Variants in NCBP1 observed in about 807,000 individuals in gnomAD.
The protein encoded by NCBP1 is nuclear cap-binding protein subunit 1.
A neutral mutation model predicts 111.7 loss-of-function variants in NCBP1; 16 were observed. The ratio of observed to expected loss-of-function variants is 0.14; its 90% CI spans 0.10 to 0.22. NCBP1 has a LOEUF of 0.22. NCBP1 is among the 10% of genes least tolerant of loss of function. NCBP1 has a pLI of 1.00. For synonymous variants in NCBP1, 304 were observed against 314.3 expected (o/e 0.97, Z 0.35); for missense variants, 607 against 957.5 (o/e 0.63, Z 4.83).
At chr9:97,655,863 CTA>C in intron 13 of NCBP1, 99 bp downstream of exon 13, 5 of 1,375,332 alleles carry the variant, frequency 3.6e-6, no homozygotes, top group East Asian at 2.3e-5. Context: ...TTCTTGGAAA[CTA>C]TTTGTAGTTA....
intron 1 of NCBP1, 71 bp downstream of exon 1, chr9:97,633,986 C>T (rs1826912985): frequency 2.7e-6 from 4 of 1,465,728 alleles, no homozygotes; most frequent in Middle Eastern, 1.8e-4. Flanking sequence ...TTTGGGTGTC[C>T]ACGGAAGAGA....
chr9:97,666,353 G>A (rs571846349), intron 19 of NCBP1, among the ~76,000 whole-genome samples: 5 of 152,214 alleles, frequency 3.3e-5, no homozygotes, highest in Admixed American at 6.5e-5. Context: ...ATAATATAAA[G>A]CATGGGAAAT....
rs961098764 is a variant in NCBP1 at position 97,673,425 on chromosome 9, T to C, written c.*2226T>C. ...ATGTACTGAAAAGTGTGGCTAGTTA[T>C]GTTTGATCCACATTCTAGAGAAATT... On this transcript the variant is annotated 3_prime_UTR_variant, in exon 23 of 23. Transcript: ENST00000375147. 9.2e-5 allele frequency: 14 copies of C among 152,228 alleles called. No homozygotes were observed. The highest frequency in any genetic ancestry group is 3.4e-4 in the African/African-American group (14 of 41,462). The allele number at this position is 152,228 out of a possible 1,614,324, so 9.4% of individuals were successfully genotyped here. A position where few individuals can be genotyped will look rare whatever the true frequency, so the allele number is the denominator to read the frequency against.
chr9:97,639,621 C>T (rs1263770389), intron 1 of NCBP1, among the ~76,000 whole-genome samples: 1 of 152,148 alleles, frequency 6.6e-6, no homozygotes, highest in African/African-American at 2.4e-5. Flanking sequence ...CTCTTGCTTT[C>T]TTGTCCATAT....
At chr9:97,639,812 T>TAAAA (rs1385507233) in intron 1 of NCBP1, among the ~76,000 whole-genome samples, 1 of 152,172 alleles carries the variant, frequency 6.6e-6, no homozygotes, top group Non-Finnish European at 1.5e-5. Context: ...TGGTAAGAGA[T>TAAAA]ACAAACAGCA....
chr9:97,667,133 G>GCAAACGTGA, intron 20 of NCBP1, among the ~76,000 whole-genome samples: 1 of 152,130 alleles, frequency 6.6e-6, no homozygotes, highest in Non-Finnish European at 1.5e-5. Flanking sequence ...CACTATCTCT[G>GCAAACGTGA]GGTCGGCCTC....
At position 97,651,343 on chromosome 9, in the gene NCBP1, C is replaced by A; in HGVS notation, c.1029C>A (p.Asn343Lys). 6.2e-7 allele frequency: 1 copy of A among 1,613,432 alleles called. No homozygotes were observed. Among genetic ancestry groups the A allele is most frequent in the Non-Finnish European group, 8.5e-7 (1 of 1,179,694 alleles). ...AAQLVSYPGKNKIPLNYHIVE... is the reference protein window; with the variant it reads ...AAQLVSYPGKKKIPLNYHIVE... Reference sequence around the variant, plus strand: ...AGTTAGTGAGCTATCCAGGGAAGAACAAGATCCCCTTGAACTACCACATAG... The same window carrying A: ...AGTTAGTGAGCTATCCAGGGAAGAAAAAGATCCCCTTGAACTACCACATAG... The change falls in exon 10 of 23, where the codon AAC becomes AAA. Residue 343 changes from asparagine (N) to lysine (K), a missense_variant. By Grantham distance (94) the Asn-to-Lys change is moderately conservative. Transcript: ENST00000375147.
At chr9:97,650,676 G>C in intron 9 of NCBP1, 76 bp downstream of exon 9, 1 of 1,235,530 alleles carries the variant, frequency 8.1e-7, no homozygotes, top group South Asian at 1.3e-5. Context: ...CAAAATATAT[G>C]TTGAGAGTGT....
chr9:97,665,674 A>G (rs1279159716), intron 19 of NCBP1, among the ~76,000 whole-genome samples: 1 of 152,186 alleles, frequency 6.6e-6, no homozygotes, highest in East Asian at 1.9e-4. Flanking sequence ...CACTTAAACT[A>G]TTATTTGGGT....
intron 15 of NCBP1, among the ~76,000 whole-genome samples, chr9:97,659,042 T>C (rs1265178575): frequency 6.6e-6 from 1 of 152,230 alleles, no homozygotes; most frequent in African/African-American, 2.4e-5. Context: ...TTTGTCATGG[T>C]GATGGAGGTT....
At position 97,671,587 on chromosome 9, in the gene NCBP1, G is replaced by A. The variant is rs145736771; in HGVS notation, c.*388G>A. ...GTAGCATAACTTTTCACAGCTCGGGGATGAATTAACATGGCTGAAATAAAA... is the reference window on the plus strand; with the variant it reads ...GTAGCATAACTTTTCACAGCTCGGGAATGAATTAACATGGCTGAAATAAAA... On this transcript the variant is annotated 3_prime_UTR_variant, in exon 23 of 23. Coordinates refer to ENST00000375147, the MANE Select transcript of NCBP1 (RefSeq NM_002486.5). 2.8e-3 allele frequency: 434 copies of A among 157,444 alleles called. 2 individuals carry two copies. The highest frequency in any genetic ancestry group is 0.01 in the African/African-American group (424 of 41,764). 9.8% of individuals were successfully genotyped at this position (157,444 alleles called of 1,614,324 possible). A position where few individuals can be genotyped will look rare whatever the true frequency, so the allele number is the denominator to read the frequency against.
At chr9:97,640,193 T>C (rs1827167476) in intron 1 of NCBP1, among the ~76,000 whole-genome samples, 1 of 152,172 alleles carries the variant, frequency 6.6e-6, no homozygotes, top group Admixed American at 6.6e-5. Flanking sequence ...GATTAGAGCT[T>C]AGAAACATGT....
chr9:97,654,073 T>G (rs1011292511), intron 11 of NCBP1, among the ~76,000 whole-genome samples, 165 bp downstream of exon 11: 1 of 152,234 alleles, frequency 6.6e-6, no homozygotes, highest in Admixed American at 6.5e-5. Flanking sequence ...TAAATACATA[T>G]GTACCTATAC....
At chr9:97,659,696 G>A (rs1311276838) in intron 15 of NCBP1, among the ~76,000 whole-genome samples, 2 of 152,188 alleles carry the variant, frequency 1.3e-5, no homozygotes, top group Admixed American at 1.3e-4. Context: ...GTACTTAGAA[G>A]TGCTGGGTTT....
At chr9:97,647,604 C>A in intron 7 of NCBP1, 43 bp downstream of exon 7, 1 of 1,467,544 alleles carries the variant, frequency 6.8e-7, no homozygotes, top group South Asian at 1.1e-5. Context: ...ACAGTCAGCT[C>A]TTGAATAGAT....
intron 4 of NCBP1, among the ~76,000 whole-genome samples, chr9:97,643,752 C>G (rs1827263976): frequency 6.6e-6 from 1 of 152,074 alleles, no homozygotes; most frequent in Non-Finnish European, 1.5e-5. Context: ...GTTCCCAATC[C>G]CTGTCAATTC....
chr9:97,651,487 G>A, intron 10 of NCBP1, 114 bp downstream of exon 10: 2 of 942,290 alleles, frequency 2.1e-6, no homozygotes, highest in Non-Finnish European at 3.0e-6. Flanking sequence ...TACTTGTCCA[G>A]CATTCAGAAT....
At chr9:97,656,625 A>G (rs1159725028) in intron 14 of NCBP1, among the ~76,000 whole-genome samples, 2 of 152,218 alleles carry the variant, frequency 1.3e-5, no homozygotes, top group Non-Finnish European at 2.9e-5. Flanking sequence ...CAACATTACA[A>G]AGAATTCTGT....
intron 17 of NCBP1, among the ~76,000 whole-genome samples, chr9:97,662,436 G>A (rs756422258): frequency 1.3e-5 from 2 of 152,124 alleles, no homozygotes; most frequent in South Asian, 2.1e-4. Context: ...AAGTTCCCAC[G>A]CTAAATATCT....
Sources: gnomAD v4.1 joint callset for allele counts (sites outside exome capture counted in the v4.1 genomes callset) on GRCh38, gnomAD v4.1.1 for gene constraint, MANE v1.5 for transcripts, NCBI Gene and HGNC (gene_info 2026-07-23, HGNC 2026-07-21) for gene names.